HBP1: variants seen among roughly 807,000 people sequenced by gnomAD.
The protein encoded by HBP1 is HMG box-containing protein 1.
HBP1 carries 20 observed loss-of-function variants against 62.6 expected under a neutral mutation model. The ratio of observed to expected loss-of-function variants is 0.32; its 90% CI spans 0.22 to 0.46. HBP1 has a LOEUF of 0.46. HBP1 is among the 20% of genes least tolerant of loss of function. The probability of loss-of-function intolerance (pLI) is 1.00; values close to 1 mark genes in which losing one functional copy is unlikely to be tolerated. For missense variants in HBP1, 480 were observed against 611.8 expected, an observed-to-expected ratio of 0.78 and a Z score of 2.27; for synonymous variants, 232 against 206.2, an observed-to-expected ratio of 1.12 and a Z score of -1.07.
At chr7:107,197,941 A>C (rs1328962322) in intron 9 of HBP1, among the ~76,000 whole-genome samples, 2 of 152,292 alleles carry the variant, frequency 1.3e-5, no homozygotes, top group South Asian at 2.1e-4. Flanking sequence ...TGACAGGTAC[A>C]TGCTGCATTT....
At position 107,186,603 on chromosome 7, in the gene HBP1, G is replaced by C; in HGVS notation, c.687G>C (p.Lys229Asn). 2 of 1,613,708 alleles carry C rather than the reference G, an allele frequency of 1.2e-6. No individual in the cohort carries two copies. Among genetic ancestry groups the C allele is most frequent in the Non-Finnish European group, 1.7e-6 (2 of 1,179,646 alleles). Reference protein sequence around the residue: ...TRLCFHKGSNKEWQDVEDFAR... With the variant: ...TRLCFHKGSNNEWQDVEDFAR... ...TGTGCTTTCATAAGGGAAGCAATAA[G>C]GAATGGCAAGATGTTGAAGATTTTG... The change falls in exon 6 of 11, where the codon AAG becomes AAC. Residue 229 changes from lysine to asparagine, a missense_variant. Transcript: ENST00000222574.
At chr7:107,170,119 A>G (rs1796484419) in intron 1 of HBP1, 1 of 985,256 alleles carries the variant, frequency 1.0e-6, no homozygotes, top group African/African-American at 1.7e-5. Context: ...TAGAAGGAGC[A>G]CTGACAGCGA....
chr7:107,180,248 A>G (rs1448716759), intron 2 of HBP1, among the ~76,000 whole-genome samples, 186 bp downstream of exon 2: 2 of 152,210 alleles, frequency 1.3e-5, no homozygotes, highest in Non-Finnish European at 1.5e-5. Flanking sequence ...TGGGCTATTT[A>G]TGGTTATTGT....
chr7:107,185,866 T>A lies in HBP1; in HGVS notation c.464T>A (p.Val155Glu), dbSNP rs1163694972. The A allele has an allele frequency of 6.2e-7, 1 of 1,612,572 alleles. No homozygotes were observed. Among genetic ancestry groups the A allele is most frequent in the South Asian group, 1.1e-5 (1 of 91,058 alleles). Residue 155 changes from valine (V) to glutamate (E), a missense_variant, in exon 4 of 11, where the codon GTG (valine) becomes GAG (glutamate). Val to Glu is a moderately radical substitution (Grantham distance 121). Around this residue, in one of 4 missense-constraint regions of HBP1, gnomAD observed 304 missense variants for 330.9 expected, o/e 0.92. Coordinates refer to ENST00000222574, the MANE Select transcript of HBP1 (RefSeq NM_012257.4). Reference protein sequence around the residue: ...SLHSYARPPPVSSSSKSEPAF... With the variant: ...SLHSYARPPPESSSSKSEPAF... ...CATTCCTATGCACGCCCTCCACCAG[T>A]GTCCTCTTCTTCGAAGAGTGAACCA...
At chr7:107,169,447 T>G (rs1796438717) in intron 1 of HBP1, among the ~76,000 whole-genome samples, 1 of 140,316 alleles carries the variant, frequency 7.1e-6, no homozygotes. Context: ...GAGGGCGAAG[T>G]TCCGGGCCAG....
intron 1 of HBP1, among the ~76,000 whole-genome samples, chr7:107,177,963 G>T (rs1408315799): frequency 1.3e-5 from 2 of 151,942 alleles, no homozygotes; most frequent in Non-Finnish European, 2.9e-5. Context: ...AAATTTATCA[G>T]TGTCATCGGT....
chr7:107,194,771 T>C (rs1797810337), intron 8 of HBP1, among the ~76,000 whole-genome samples: 1 of 152,206 alleles, frequency 6.6e-6, no homozygotes, highest in Admixed American at 6.5e-5. Flanking sequence ...AATAAAAGGT[T>C]TCCTGCCAAG....
chr7:107,169,307 G>A (rs901971744), intron 1 of HBP1, 122 bp downstream of exon 1: 1 of 441,000 alleles, frequency 2.3e-6, no homozygotes, highest in African/African-American at 2.1e-5. Context: ...TTGCCCTTGG[G>A]GTGGGGGCAG....
chr7:107,197,578 C>T (rs372922367), intron 9 of HBP1, among the ~76,000 whole-genome samples: 1 of 152,286 alleles, frequency 6.6e-6, no homozygotes, highest in South Asian at 2.1e-4. Context: ...CTATGTTGGC[C>T]AGGCTGGTCT....
intron 2 of HBP1, among the ~76,000 whole-genome samples, chr7:107,180,653 C>T (rs1462587899): frequency 6.6e-6 from 1 of 152,142 alleles, no homozygotes; most frequent in Non-Finnish European, 1.5e-5. Context: ...TGGGGGTTTC[C>T]TTCATGTTTA....
At chr7:107,198,820 T>G (rs955512478) in intron 9 of HBP1, among the ~76,000 whole-genome samples, 3 of 152,220 alleles carry the variant, frequency 2.0e-5, no homozygotes, top group Non-Finnish European at 2.9e-5. Context: ...TGTGTATATT[T>G]TACATTTGTT....
intron 1 of HBP1, among the ~76,000 whole-genome samples, chr7:107,170,786 C>G (rs900454481): frequency 2.7e-5 from 4 of 150,474 alleles, no homozygotes; most frequent in African/African-American, 9.7e-5. Context: ...ACTACATACC[C>G]TAGTTAAAAG....
chr7:107,185,829 A>AGC lies in HBP1; in HGVS notation c.428_429dup (p.Lys144AlafsTer34). The AGC allele has an allele frequency of 1.2e-6, 2 of 1,613,742 alleles. No individual in the cohort carries two copies. Among genetic ancestry groups the AGC allele is most frequent in the Non-Finnish European group, 1.7e-6 (2 of 1,179,632 alleles). On this transcript the variant is annotated frameshift_variant, in exon 4 of 11. Transcript: ENST00000222574. LOFTEE classifies it high-confidence loss of function. ...ATCTCCTGTACACATCATAGCCACT[A>AGC]GCAAAAGTTTACATTCCTATGCACG...
intron 1 of HBP1, among the ~76,000 whole-genome samples, chr7:107,169,416 G>A (rs1002648442): frequency 4.0e-5 from 6 of 150,486 alleles, no homozygotes; most frequent in African/African-American, 1.5e-4. Context: ...GTCTCGGGCG[G>A]GGGCCGGGAG....
At chr7:107,175,034 G>T (rs796517675) in intron 1 of HBP1, among the ~76,000 whole-genome samples, 1 of 151,870 alleles carries the variant, frequency 6.6e-6, no homozygotes, top group African/African-American at 2.4e-5. Flanking sequence ...AGCTGGAGAC[G>T]GGTGGCTTTC....
chr7:107,186,287 C>T (rs1276496363), intron 4 of HBP1, 74 bp from the exon 5 acceptor site: 14 of 877,490 alleles, frequency 1.6e-5, no homozygotes, highest in Middle Eastern at 4.6e-4. Context: ...GGCCTAAAGA[C>T]GTGGGATGAA....
At position 107,185,790 on chromosome 7, in the gene HBP1, C is replaced by G. The variant is rs1158066786; in HGVS notation, c.399-11C>G. 3 of 1,607,784 alleles carry G rather than the reference C, an allele frequency of 1.9e-6. No homozygotes were observed. The South Asian group carries it at 3.3e-5, about 18-fold the overall frequency. ...CCTATGCTTATGGTTGAAACTGTTGCTTTATTTTAGATCATCTCCTGTACA... is the reference window on the plus strand; with the variant it reads ...CCTATGCTTATGGTTGAAACTGTTGGTTTATTTTAGATCATCTCCTGTACA... On this transcript the variant is annotated splice_polypyrimidine_tract_variant and intron_variant, in intron 3 of 10. Transcript: ENST00000222574.
At chr7:107,194,353 G>T (rs913609071) in intron 8 of HBP1, among the ~76,000 whole-genome samples, 1 of 152,174 alleles carries the variant, frequency 6.6e-6, no homozygotes, top group Non-Finnish European at 1.5e-5. Context: ...TTTTGTGTCA[G>T]TGCTGAAGTT....
At chr7:107,169,302 C>T (rs1337615542) in intron 1 of HBP1, 117 bp downstream of exon 1, 2 of 475,036 alleles carry the variant, frequency 4.2e-6, no homozygotes, top group Non-Finnish European at 6.0e-6. Context: ...GAGGGTTGCC[C>T]TTGGGGTGGG....
Sources: allele counts gnomAD v4.1 joint callset (sites outside exome capture counted in the v4.1 genomes callset), GRCh38; gene constraint gnomAD v4.1.1; regional missense constraint gnomAD v4.1.1; transcripts MANE v1.5; gene names NCBI Gene and HGNC (gene_info 2026-07-23, HGNC 2026-07-21).